The following CELSR1 variants were observed in gnomAD, a reference collection of about 807,000 sequenced individuals.
CELSR1 encodes the protein cadherin EGF LAG seven-pass G-type receptor 1, also known as adhesion G protein-coupled receptor C1.
In CELSR1, 110 loss-of-function variants were observed where a neutral mutation model predicts 249.1. The ratio of observed to expected loss-of-function variants is 0.44; its 90% CI spans 0.38 to 0.52. The LOEUF is 0.52. CELSR1 is among the 20% of genes least tolerant of loss of function. The pLI, the probability that CELSR1 is intolerant of heterozygous loss-of-function variation, is 0.00. For missense variants in CELSR1, 4,109 were observed against 4,296.4 expected (o/e 0.96, Z 1.22); for synonymous variants, 2,113 against 1,900.0 (o/e 1.11, Z -2.92).
In CELSR1 at chr22:46,512,325, C is replaced by T. The variant is rs1371310678; in HGVS notation, c.3544+21302G>A. ...GTGGCACATGCCTGTAATCCCAGCA[C>T]TTTGGGAGGCCAAGGCAGGCGGATC... On this transcript the variant is annotated intron_variant, in intron 1 of 34. Coordinates refer to ENST00000674500, the MANE Select transcript of CELSR1 (RefSeq NM_001378328.1). The surrounding 1 kb of genome is among the most constrained non-coding windows in gnomAD (Gnocchi z 5.2). Among the ~76,000 whole-genome samples the T allele has an allele frequency of 2.0e-5, 3 of 152,008 alleles. No homozygotes were observed. Among genetic ancestry groups the T allele is most frequent in the Admixed American group, 2.0e-4 (3 of 15,274 alleles).
At chr22:46,513,743 G>A (rs910159958) in intron 1 of CELSR1, among the ~76,000 whole-genome samples, 1 of 152,092 alleles carries the variant, frequency 6.6e-6, no homozygotes, top group African/African-American at 2.4e-5. Context: ...ATACTGGTTG[G>A]AATATGGCCC....
chr22:46,530,939 G>C (rs1367504554), intron 1 of CELSR1, among the ~76,000 whole-genome samples: 2 of 152,228 alleles, frequency 1.3e-5, no homozygotes, highest in South Asian at 4.1e-4. Context: ...AAAGGCTTTA[G>C]GGCATGGCTG....
chr22:46,509,908 G>T (rs1044324940), intron 1 of CELSR1, among the ~76,000 whole-genome samples: 1 of 152,332 alleles, frequency 6.6e-6, no homozygotes, highest in East Asian at 1.9e-4. Flanking sequence ...AGTGAGGAAC[G>T]AAAGACACGA....
At chr22:46,522,017 G>GT (rs1192939773) in intron 1 of CELSR1, among the ~76,000 whole-genome samples, 4 of 152,106 alleles carry the variant, frequency 2.6e-5, no homozygotes, top group Non-Finnish European at 5.9e-5. Context: ...TGTTTTCTGA[G>GT]TTTTTTTGAC....
In CELSR1 at chr22:46,445,538, G is replaced by T. The variant is rs1370528593; in HGVS notation, c.4184-6127C>A. Among the ~76,000 whole-genome samples the T allele has an allele frequency of 6.6e-6, 1 of 152,004 alleles. No individual in the cohort carries two copies. The highest frequency in any genetic ancestry group is 1.5e-5 in the Non-Finnish European group (1 of 67,994). On this transcript the variant is annotated intron_variant, in intron 2 of 34. Transcript: ENST00000674500. The surrounding 1 kb of genome is among the most constrained non-coding windows in gnomAD (Gnocchi z 4.4). Reference sequence around the variant, plus strand: ...AAAGACACCAGTCATTGGATTTAGGGTCCACCCTAAATCCACGATGACTTA... The same window carrying T: ...AAAGACACCAGTCATTGGATTTAGGTTCCACCCTAAATCCACGATGACTTA...
intron 2 of CELSR1, among the ~76,000 whole-genome samples, chr22:46,449,937 C>T (rs930218413): frequency 2.6e-5 from 4 of 152,168 alleles, no homozygotes; most frequent in Non-Finnish European, 4.4e-5. Flanking sequence ...CGTGCTCACA[C>T]ACACTCACAT....
chr22:46,521,468 G>A (rs991578576), intron 1 of CELSR1, among the ~76,000 whole-genome samples: 7 of 150,894 alleles, frequency 4.6e-5, no homozygotes, highest in African/African-American at 1.7e-4. Flanking sequence ...TCGCGCCACT[G>A]CACTCCAGCC....
intron 23 of CELSR1, chr22:46,377,571 A>C: frequency 2.5e-6 from 1 of 395,754 alleles, no homozygotes; most frequent in Non-Finnish European, 4.7e-6. Context: ...TCGGACTCTC[A>C]CTCCAGCCTC....
Position 46,529,808 on chromosome 22 carries a change from A to G in CELSR1, c.3544+3819T>C, listed in dbSNP as rs568584121. On this transcript the variant is annotated intron_variant, in intron 1 of 34. Coordinates refer to ENST00000674500, the MANE Select transcript of CELSR1 (RefSeq NM_001378328.1). ...ATACAGTGAGACTCCATCTCAAAAA[A>G]AAAAAAAGAATAAGACCTAGTATTT... 3.9e-5 allele frequency among the ~76,000 whole-genome samples: 6 copies of G among 152,254 alleles called. No individual in the cohort carries two copies. The South Asian group carries it at 1.2e-3, about 32-fold the overall frequency.
Position 46,363,632 on chromosome 22 carries a change from C to G in CELSR1, c.9035+364G>C, listed in dbSNP as rs2078730643. Reference sequence around the variant, plus strand: ...CAGCTCCACCCCGCCCCCTTCACCCCTGGCATTCCGGGACCCTCAGTATCC... The same window carrying G: ...CAGCTCCACCCCGCCCCCTTCACCCGTGGCATTCCGGGACCCTCAGTATCC... On this transcript the variant is annotated intron_variant, in intron 34 of 34. Coordinates refer to ENST00000674500, the MANE Select transcript of CELSR1 (RefSeq NM_001378328.1). The surrounding 1 kb of genome is among the most constrained non-coding windows in gnomAD (Gnocchi z 4.3). The G allele has an allele frequency of 5.5e-6, 2 of 364,930 alleles. No homozygotes were observed. The highest frequency in any genetic ancestry group is 2.1e-5 in the African/African-American group (1 of 48,486). The allele number at this position is 364,930 out of a possible 1,614,324, so 22.6% of individuals were successfully genotyped here.
At chr22:46,438,117 G>A (rs879853422) in intron 3 of CELSR1, among the ~76,000 whole-genome samples, 13 of 152,102 alleles carry the variant, frequency 8.5e-5, no homozygotes, top group Non-Finnish European at 1.0e-4. Flanking sequence ...ACCCAAAGCC[G>A]AGGGGAGGGT....
intron 2 of CELSR1, among the ~76,000 whole-genome samples, chr22:46,462,373 G>A (rs2080040010): frequency 6.6e-6 from 1 of 152,160 alleles, no homozygotes; most frequent in South Asian, 2.1e-4. Flanking sequence ...ACCCGTGCTG[G>A]TGGTTTTCCC....
rs1029850853 is a variant in CELSR1, at chr22:46,527,833, C to T, written c.3544+5794G>A. ...GACCCAGGCTGGGAGCGGTGGCTCA[C>T]GCCTGTAATCCCAGCATTTTGGGAG... On this transcript the variant is annotated intron_variant, in intron 1 of 34. Transcript: ENST00000674500. The surrounding 1 kb of genome is among the most constrained non-coding windows in gnomAD (Gnocchi z 5.5). 4.6e-5 allele frequency among the ~76,000 whole-genome samples: 7 copies of T among 152,180 alleles called. No individual in the cohort carries two copies. Among genetic ancestry groups the T allele is most frequent in the Non-Finnish European group, 8.8e-5 (6 of 68,040 alleles).
At chr22:46,524,758 G>A (rs989955236) in intron 1 of CELSR1, among the ~76,000 whole-genome samples, 1 of 152,150 alleles carries the variant, frequency 6.6e-6, no homozygotes, top group Admixed American at 6.5e-5. Context: ...CGAAGCAAAA[G>A]CCTAAGAATT....
intron 5 of CELSR1, among the ~76,000 whole-genome samples, chr22:46,419,873 A>G (rs764990585): frequency 6.6e-6 from 1 of 150,958 alleles, no homozygotes; most frequent in South Asian, 2.1e-4. Context: ...CCACATGTGC[A>G]CTCCCACACG....
intron 1 of CELSR1, among the ~76,000 whole-genome samples, chr22:46,530,961 GA>G (rs1246351990): frequency 6.6e-6 from 1 of 152,216 alleles, no homozygotes; most frequent in Non-Finnish European, 1.5e-5. Context: ...AAATCCTGGG[GA>G]AGCAACAACA....
intron 5 of CELSR1, among the ~76,000 whole-genome samples, chr22:46,418,762 G>A (rs548133065): frequency 1.3e-5 from 2 of 152,294 alleles, no homozygotes; most frequent in South Asian, 4.1e-4. Flanking sequence ...TTCAACAAAG[G>A]TCAGAACCAA....
chr22:46,494,273 C>T (rs2080393769), intron 1 of CELSR1, among the ~76,000 whole-genome samples: 1 of 152,206 alleles, frequency 6.6e-6, no homozygotes, highest in South Asian at 2.1e-4. Flanking sequence ...AGTCCTCCCA[C>T]CTCAGCTCTT....
At position 46,395,994 on chromosome 22, in the gene CELSR1, C is replaced by T. The variant is rs555740727; in HGVS notation, c.5843+611G>A. On this transcript the variant is annotated intron_variant, in intron 13 of 34. Coordinates refer to ENST00000674500, the MANE Select transcript of CELSR1 (RefSeq NM_001378328.1). The surrounding 1 kb of genome is among the most constrained non-coding windows in gnomAD (Gnocchi z 5.5). ...GAAAGCATTCTCTGTAAACCACATG[C>T]GTCTCCCTGCATCTCATGGGGCCTG... 1.1e-4 allele frequency among the ~76,000 whole-genome samples: 17 copies of T among 152,304 alleles called. No homozygotes were observed. The highest frequency in any genetic ancestry group is 3.4e-4 in the African/African-American group (14 of 41,566).
Sources: allele counts gnomAD v4.1 joint callset (sites outside exome capture counted in the v4.1 genomes callset), GRCh38; gene constraint gnomAD v4.1.1; non-coding constraint Gnocchi (gnomAD v3.1); transcripts MANE v1.5; gene names NCBI Gene and HGNC (gene_info 2026-07-23, HGNC 2026-07-21).